The following IL4R variants were observed in gnomAD, a reference collection of about 807,000 sequenced individuals.
The protein encoded by IL4R is interleukin-4 receptor subunit alpha.
A neutral mutation model predicts 41.5 loss-of-function variants in IL4R; 17 were observed. The ratio of observed to expected loss-of-function variants is 0.41; its 90% confidence interval spans 0.28 to 0.61. The LOEUF (loss-of-function observed/expected upper bound fraction) is 0.61. Ranked by LOEUF, IL4R falls within the 20% of genes least tolerant of loss-of-function variation. IL4R has a pLI of 0.31. For synonymous variants in IL4R, 402 were observed against 422.9 expected (o/e 0.95, Z 0.61); for missense variants, 974 against 1,043.1 (o/e 0.93, Z 0.91).
chr16:27,345,070 G>C lies in IL4R; in HGVS notation c.361+50G>C, dbSNP rs565620025. The C allele has an allele frequency of 2.4e-5, 31 of 1,281,268 alleles. No individual in the cohort carries two copies. In the South Asian group the frequency reaches 3.5e-4, roughly 15 times the overall value. 79.4% of individuals were successfully genotyped at this position (1,281,268 alleles called of 1,614,324 possible). A position where few individuals can be genotyped will look rare whatever the true frequency, so the allele number is the denominator to read the frequency against. On this transcript the variant is annotated intron_variant, in intron 5 of 10. Coordinates refer to ENST00000395762, the MANE Select transcript of IL4R (RefSeq NM_000418.4). This position sits in a 1 kb window ranked among gnomAD's most constrained non-coding sequence, Gnocchi z 4.5. ...GGTGGCTGGGTGTGTTCCCACAGCT[G>C]CCTGGGCTGAGGGTGGGGTGGGCAG...
At chr16:27,352,932 C>T (rs3024613) in intron 7 of IL4R, among the ~76,000 whole-genome samples, 62,014 of 152,046 alleles carry the variant, frequency 0.41, 14,253 homozygotes, top group Middle Eastern at 0.51. Flanking sequence ...TTCTTGCTCA[C>T]GTAACAAGCT....
chr16:27,313,960 C>T (rs1173510784), upstream of IL4R: 4 of 984,608 alleles, frequency 4.1e-6, no homozygotes, highest in Non-Finnish European at 4.8e-6. Flanking sequence ...GGAAGGGCCA[C>T]CCAGGGGTCC....
At chr16:27,360,855 G>T (rs1029191279) in intron 10 of IL4R, 40 bp downstream of exon 10, 1 of 1,614,032 alleles carries the variant, frequency 6.2e-7, no homozygotes, top group Non-Finnish European at 8.5e-7. Context: ...CATGCATTGG[G>T]AAGGTGATAG....
At chr16:27,328,379 G>A (rs2085022839) in intron 1 of IL4R, among the ~76,000 whole-genome samples, 1 of 151,814 alleles carries the variant, frequency 6.6e-6, no homozygotes, top group African/African-American at 2.4e-5. Context: ...AGCCTCCCGA[G>A]TAGCTGGGAA....
At chr16:27,313,933 C>T (rs992510503), upstream of IL4R, 3 of 984,340 alleles carry the variant, frequency 3.0e-6, no homozygotes, top group Admixed American at 6.2e-5. Flanking sequence ...AGGAAAGCCC[C>T]GCGCGGCGCG....
chr16:27,341,585 C>T (rs183938243), intron 3 of IL4R, among the ~76,000 whole-genome samples: 67 of 152,226 alleles, frequency 4.4e-4, no homozygotes, highest in African/African-American at 1.5e-3. Flanking sequence ...AGAAGGACCC[C>T]GATGTCTCCT....
chr16:27,357,833 T>A (rs1044886462), intron 8 of IL4R, among the ~76,000 whole-genome samples: 2 of 152,158 alleles, frequency 1.3e-5, no homozygotes, highest in Admixed American at 6.5e-5. Flanking sequence ...TCTACCCCTT[T>A]ATCTTTATTC....
In IL4R at chr16:27,342,134, C is replaced by T. The variant is rs766039972; in HGVS notation, c.84C>T (p.Val28=). The part of the protein sequence containing the change: ...LQVASSGNMK[V]LQEPTCVSDY... ...GTGTCTCCCCAGGGAACATGAAGGT[C>T]TTGCAGGAGCCCACCTGCGTCTCCG... Residue 28 remains valine, a synonymous_variant, in exon 4 of 11, where the codon GTC becomes GTT. Transcript: ENST00000395762. 1 of 1,614,180 alleles carries T rather than the reference C, an allele frequency of 6.2e-7. No individual in the cohort carries two copies. Among genetic ancestry groups the T allele is most frequent in the Non-Finnish European group, 8.5e-7 (1 of 1,180,018 alleles).
intron 10 of IL4R, 198 bp downstream of exon 10, chr16:27,361,013 T>C: frequency 6.8e-7 from 1 of 1,464,470 alleles, no homozygotes; most frequent in Non-Finnish European, 9.0e-7. Context: ...GTTTCACTGG[T>C]GTGTCAGGTA....
intron 9 of IL4R, among the ~76,000 whole-genome samples, chr16:27,359,983 C>T (rs1166759345): frequency 5.3e-5 from 8 of 150,454 alleles, no homozygotes; most frequent in South Asian, 2.1e-4. Context: ...GACCCGTCCC[C>T]GTAGCCTCCC....
chr16:27,315,341 G>C (rs1231002847), intron 1 of IL4R: 3 of 152,356 alleles, frequency 2.0e-5, no homozygotes, highest in African/African-American at 7.2e-5. Context: ...GACCTGCTAA[G>C]CCACTCATTC....
intron 5 of IL4R, among the ~76,000 whole-genome samples, chr16:27,346,210 G>A (rs3024569): frequency 0.018 from 2,750 of 152,268 alleles, 75 homozygotes; most frequent in African/African-American, 0.062. Flanking sequence ...GGGCAACAGA[G>A]TGGGACCCTG....
In IL4R at chr16:27,340,228, C is replaced by G; in HGVS notation, c.25C>G (p.Leu9Val). The G allele has an allele frequency of 6.2e-7, 1 of 1,614,006 alleles. No individual in the cohort carries two copies. The highest frequency in any genetic ancestry group is 8.5e-7 in the Non-Finnish European group (1 of 1,179,974). ...AATGGGGTGGCTTTGCTCTGGGCTC[C>G]TGTTCCCTGTGAGCTGCCTGGTCCT... MGWLCSGL[L>V]FPVSCLVLLQ... Residue 9 changes from leucine (L) to valine (V), a missense_variant, in exon 3 of 11, where the codon CTG (leucine) becomes GTG (valine). By Grantham distance (32) the Leu-to-Val change is conservative. This residue lies in a region of IL4R where 284 missense variants were observed against 313.4 expected (regional missense o/e 0.91). Coordinates refer to ENST00000395762, the MANE Select transcript of IL4R (RefSeq NM_000418.4).
intron 1 of IL4R, among the ~76,000 whole-genome samples, chr16:27,328,642 G>A (rs1358351453): frequency 6.6e-6 from 1 of 152,192 alleles, no homozygotes; most frequent in Non-Finnish European, 1.5e-5. Flanking sequence ...ATAAAGCAGT[G>A]AGCACAGCAG....
chr16:27,360,994 G>C, intron 10 of IL4R, 179 bp downstream of exon 10: 1 of 1,477,698 alleles, frequency 6.8e-7, no homozygotes, highest in Non-Finnish European at 9.0e-7. Context: ...TGCTGGCCAA[G>C]CCCCCTGAGT....
At chr16:27,313,824 G>A (rs1596725480), upstream of IL4R, 2 of 774,762 alleles carry the variant, frequency 2.6e-6, no homozygotes, top group Non-Finnish European at 3.1e-6. Flanking sequence ...CGAGGTGGCC[G>A]GGACCCGGGC....
At chr16:27,337,539 A>G (rs2085295478) in intron 2 of IL4R, among the ~76,000 whole-genome samples, 1 of 151,888 alleles carries the variant, frequency 6.6e-6, no homozygotes, top group Non-Finnish European at 1.5e-5. Context: ...TGCAGGGAAT[A>G]TAACCCAGCG....
Position 27,358,814 on chromosome 16 carries a change from C to A in IL4R, c.771-102C>A, listed in dbSNP as rs1474296800. On this transcript the variant is annotated intron_variant, in intron 8 of 10. Transcript: ENST00000395762. ...ACCTCCAGAAACTAATCAGCCTGAT[C>A]TCTGATGCCAAATAAGTATTGGTGA... The A allele has an allele frequency of 4.7e-6, 4 of 842,160 alleles. No homozygotes were observed. In the African/African-American group the frequency reaches 5.0e-5, roughly 11 times the overall value. 52.2% of individuals were successfully genotyped at this position (842,160 alleles called of 1,614,324 possible).
chr16:27,348,206 A>G (rs1284962445), intron 6 of IL4R, among the ~76,000 whole-genome samples: 1 of 152,230 alleles, frequency 6.6e-6, no homozygotes, highest in Non-Finnish European at 1.5e-5. Flanking sequence ...GGTATGGGGA[A>G]AGAGCAGGAA....
Sources: allele counts gnomAD v4.1 joint callset (sites outside exome capture counted in the v4.1 genomes callset), GRCh38; gene constraint gnomAD v4.1.1; regional missense constraint gnomAD v4.1.1; non-coding constraint Gnocchi (gnomAD v3.1); transcripts MANE v1.5; gene names NCBI Gene and HGNC (gene_info 2026-07-23, HGNC 2026-07-21).